The following ZBTB41 variants were observed in gnomAD, a reference collection of about 807,000 sequenced individuals.
ZBTB41 encodes zinc finger and BTB domain-containing protein 41.
A neutral mutation model predicts 87.6 loss-of-function variants in ZBTB41; 42 were observed. The observed-to-expected ratio is 0.48, with a 90% CI of 0.37 to 0.62. The LOEUF (loss-of-function observed/expected upper bound fraction) is 0.62, where lower values mean the gene tolerates loss of function less well. Ranked by LOEUF, ZBTB41 falls within the 20% of genes least tolerant of loss-of-function variation. The pLI is 0.00. For synonymous variants in ZBTB41, 364 were observed against 364.0 expected (o/e 1.00, Z 0.00); for missense variants, 799 against 1,078.9 (o/e 0.74, Z 3.63).
At chr1:197,198,303 A>G (rs1306207734) in intron 2 of ZBTB41, among the ~76,000 whole-genome samples, 1 of 131,426 alleles carries the variant, frequency 7.6e-6, no homozygotes, top group African/African-American at 4.5e-5. Flanking sequence ...AACATTATAA[A>G]AAGCAAAAAG....
At chr1:197,198,853 T>C (rs1223806486) in intron 2 of ZBTB41, among the ~76,000 whole-genome samples, 2 of 152,154 alleles carry the variant, frequency 1.3e-5, no homozygotes, top group Non-Finnish European at 2.9e-5. Context: ...ATTACATTCA[T>C]TTCAATTTTA....
Position 197,159,290 on chromosome 1 carries a change from A to G in ZBTB41, c.*69T>C, listed in dbSNP as rs914352349. 3.1e-5 allele frequency: 46 copies of G among 1,489,176 alleles called. No individual in the cohort carries two copies. The highest frequency in any genetic ancestry group is 1.5e-4 in the Admixed American group (8 of 51,934). The allele number at this position is 1,489,176 out of a possible 1,614,324, so 92.2% of individuals were successfully genotyped here. ...AAAACAAGAAAATAGCAGCCCCACA[A>G]ATTTAAAAGCTATCATCTCTACCAT... On this transcript the variant is annotated 3_prime_UTR_variant, in exon 11 of 11. Transcript: ENST00000367405.
chr1:197,166,601 T>G (rs575891853), intron 10 of ZBTB41, among the ~76,000 whole-genome samples: 1 of 152,026 alleles, frequency 6.6e-6, no homozygotes, highest in African/African-American at 2.4e-5. Flanking sequence ...ATCCCAGCAC[T>G]TTGGGAGGCC....
chr1:197,199,407 C>T lies in ZBTB41; in HGVS notation c.1067G>A (p.Ser356Asn), dbSNP rs1372100713. Residue 356 changes from serine (S) to asparagine (N), a missense_variant, in exon 2 of 11, where the codon AGC becomes AAC. Physicochemically the swap from Ser to Asn is conservative, Grantham distance 46. Transcript: ENST00000367405. Reference protein sequence around the residue: ...EGLTPVVIQNSNKKILQCPKC... With the variant: ...EGLTPVVIQNNNKKILQCPKC... ...AGGACACTGCAATATTTTTTTGTTGCTGTTCTGAATGACCACTGGAGTTAA... is the reference window on the plus strand; with the variant it reads ...AGGACACTGCAATATTTTTTTGTTGTTGTTCTGAATGACCACTGGAGTTAA... 7.5e-6 allele frequency: 12 copies of T among 1,589,446 alleles called. No homozygotes were observed. The highest frequency in any genetic ancestry group is 7.5e-5 in the Admixed American group (4 of 53,026).
rs567076072 is a variant in ZBTB41, at chr1:197,172,109, A to ATC, written c.2074+50_2074+51insGA. On this transcript the variant is annotated intron_variant, in intron 10 of 10. Coordinates refer to ENST00000367405, the MANE Select transcript of ZBTB41 (RefSeq NM_194314.3). ...TATATTTTACTTCTGATTACACTAT[A>ATC]TATATCTCTCTCTATATATATATAT... 4.0e-4 allele frequency: 279 copies of ATC among 697,904 alleles called. No homozygotes were observed. The African/African-American group carries it at 4.8e-3, about 12-fold the overall frequency. The allele number at this position is 697,904 out of a possible 1,614,324, so 43.2% of individuals were successfully genotyped here.
At chr1:197,176,393 T>C (rs1031624189) in intron 8 of ZBTB41, among the ~76,000 whole-genome samples, 171 bp downstream of exon 8, 3 of 152,104 alleles carry the variant, frequency 2.0e-5, no homozygotes, top group African/African-American at 7.2e-5. Flanking sequence ...CATAAACTTA[T>C]GTCCCTTTTG....
At chr1:197,190,132 A>G (rs977136009) in intron 4 of ZBTB41, among the ~76,000 whole-genome samples, 2 of 152,106 alleles carry the variant, frequency 1.3e-5, no homozygotes, top group Non-Finnish European at 2.9e-5. Context: ...TGTTGGCCAG[A>G]TTGGTCTCGA....
chr1:197,159,527 T>A lies in ZBTB41; in HGVS notation c.2562A>T (p.Leu854Phe), dbSNP rs750831484. 4.3e-6 allele frequency: 7 copies of A among 1,613,864 alleles called. No individual in the cohort carries two copies. In the East Asian group the frequency reaches 1.6e-4, roughly 36 times the overall value. ...TAAGAGTATATTTTTCCAGAAAAGCTAAATCCGCTGCTCGTGGATAATCAG... is the reference window on the plus strand; with the variant it reads ...TAAGAGTATATTTTTCCAGAAAAGCAAAATCCGCTGCTCGTGGATAATCAG... The part of the protein sequence containing the change: ...QSTDYPRAAD[L>F]AFLEKYTLTP... The change falls in exon 11 of 11, where the codon TTA becomes TTT. Residue 854 changes from leucine (L) to phenylalanine (F), a missense_variant. Leu to Phe is a conservative substitution (Grantham distance 22). This residue lies in a region of ZBTB41 where 171 missense variants were observed against 191.9 expected (regional missense o/e 0.89). Transcript: ENST00000367405.
At chr1:197,181,188 T>C in intron 5 of ZBTB41, 71 bp from the exon 6 acceptor site, 7 of 1,414,758 alleles carry the variant, frequency 4.9e-6, no homozygotes, top group Non-Finnish European at 6.6e-6. Flanking sequence ...TTAATAGGTA[T>C]GCTGTAAGTT....
chr1:197,190,069 C>G (rs368134565), intron 4 of ZBTB41, among the ~76,000 whole-genome samples: 1 of 152,154 alleles, frequency 6.6e-6, no homozygotes, highest in Non-Finnish European at 1.5e-5. Context: ...CAGGCATGTG[C>G]CACCATGCCC....
intron 4 of ZBTB41, among the ~76,000 whole-genome samples, chr1:197,188,992 A>T (rs1288526732): frequency 6.6e-6 from 1 of 152,208 alleles, no homozygotes; most frequent in Non-Finnish European, 1.5e-5. Flanking sequence ...ATTTTTCTTG[A>T]TTCTCACAAT....
At chr1:197,182,723 A>G (rs930124895) in intron 5 of ZBTB41, among the ~76,000 whole-genome samples, 2 of 152,332 alleles carry the variant, frequency 1.3e-5, no homozygotes, top group African/African-American at 4.8e-5. Flanking sequence ...TGTAGACAGT[A>G]TGAGTATTGC....
In ZBTB41 at chr1:197,200,463, CTCT is replaced by C; in HGVS notation, c.8_10del (p.Lys3del). On this transcript the variant is annotated inframe_deletion, in exon 2 of 11. Transcript: ENST00000367405. The stretch of plus-strand genomic sequence containing the variant: ...CTCAAGATTTGAAGTAACCTTTCTC[CTCT>C]TCTTCATTGCAGTACAGCAATTTCA... 6.3e-7 allele frequency: 1 copy of C among 1,588,940 alleles called. No individual in the cohort carries two copies. Among genetic ancestry groups the C allele is most frequent in the Non-Finnish European group, 8.5e-7 (1 of 1,171,012 alleles).
intron 2 of ZBTB41, among the ~76,000 whole-genome samples, chr1:197,192,115 A>C (rs1307027540): frequency 6.6e-6 from 1 of 152,042 alleles, no homozygotes; most frequent in Non-Finnish European, 1.5e-5. Context: ...TTCCTCAAAA[A>C]CTTGAGTCAT....
intron 6 of ZBTB41, 103 bp from the exon 7 acceptor site, chr1:197,178,615 G>T: frequency 1.5e-6 from 1 of 655,750 alleles, no homozygotes; most frequent in Non-Finnish European, 2.4e-6. Flanking sequence ...CTGATATTAT[G>T]GCAATTCTCT....
At chr1:197,181,728 T>C (rs1659753119) in intron 5 of ZBTB41, among the ~76,000 whole-genome samples, 1 of 152,032 alleles carries the variant, frequency 6.6e-6, no homozygotes, top group Non-Finnish European at 1.5e-5. Flanking sequence ...AAGGACAAAC[T>C]GAAGAAAGAA....
chr1:197,194,993 G>T (rs1447687269), intron 2 of ZBTB41, among the ~76,000 whole-genome samples: 16 of 152,098 alleles, frequency 1.1e-4, no homozygotes, highest in African/African-American at 3.9e-4. Flanking sequence ...CTTTGTTTTT[G>T]TTTTGTTTCG....
At chr1:197,169,598 T>C (rs1659430089) in intron 10 of ZBTB41, among the ~76,000 whole-genome samples, 1 of 152,028 alleles carries the variant, frequency 6.6e-6, no homozygotes, top group African/African-American at 2.4e-5. Flanking sequence ...TCTGAAATCT[T>C]GGTAGTGTTT....
intron 9 of ZBTB41, among the ~76,000 whole-genome samples, 169 bp downstream of exon 9, chr1:197,174,841 G>A (rs1343517649): frequency 3.3e-5 from 5 of 151,976 alleles, no homozygotes; most frequent in Non-Finnish European, 4.4e-5. Flanking sequence ...AAACAAGGAG[G>A]AAAATATATG....
Sources: allele counts gnomAD v4.1 joint callset (sites outside exome capture counted in the v4.1 genomes callset), GRCh38; gene constraint gnomAD v4.1.1; regional missense constraint gnomAD v4.1.1; transcripts MANE v1.5; gene names NCBI Gene and HGNC (gene_info 2026-07-23, HGNC 2026-07-21).